AAMP: variants seen among roughly 807,000 people sequenced by gnomAD.
AAMP encodes the protein angio-associated migratory cell protein.
AAMP carries 12 observed loss-of-function variants against 51.1 expected under a neutral mutation model. That is an observed-to-expected ratio of 0.23 (90% CI 0.15 to 0.38). The LOEUF (loss-of-function observed/expected upper bound fraction) is 0.38. Ranked by LOEUF, AAMP falls within the 10% of genes least tolerant of loss-of-function variation. The probability of loss-of-function intolerance (pLI) is 1.00; values close to 1 mark genes in which losing one functional copy is unlikely to be tolerated. For missense variants in AAMP, 418 were observed against 557.2 expected (o/e 0.75, Z 2.52); for synonymous variants, 210 against 218.7 (o/e 0.96, Z 0.35).
Position 218,267,429 on chromosome 2 carries a change from GTC to G in AAMP, c.394+63_394+64del. On this transcript the variant is annotated intron_variant, in intron 3 of 10. Coordinates refer to ENST00000248450, the MANE Select transcript of AAMP (RefSeq NM_001087.5). The surrounding 1 kb of genome is among the most constrained non-coding windows in gnomAD (Gnocchi z 4.6). ...GCTGTTGGATGCACAACCTCTGCAG[GTC>G]AGCCTCCTAAGATCTCCCAAAAGAA... 1 of 1,596,932 alleles carries G rather than the reference GTC, an allele frequency of 6.3e-7. No homozygotes were observed. The highest frequency in any genetic ancestry group is 8.6e-7 in the Non-Finnish European group (1 of 1,168,492).
In AAMP at chr2:218,267,045, C is replaced by T. The variant is rs1690650829; in HGVS notation, c.395-59G>A. 3.1e-6 allele frequency: 5 copies of T among 1,593,888 alleles called. No homozygotes were observed. The highest frequency in any genetic ancestry group is 1.3e-5 in the African/African-American group (1 of 74,334). On this transcript the variant is annotated intron_variant, in intron 3 of 10. Transcript: ENST00000248450. This position sits in a 1 kb window ranked among gnomAD's most constrained non-coding sequence, Gnocchi z 4.6. ...AAAATAGGGTACCTGGTGCTGGGGG[C>T]ATGTGATTCTGGTATCTGGCCCACT...
rs1009512779 is a variant in AAMP at position 218,266,847 on chromosome 2, C to T, written c.534G>A (p.Glu178=). 6.2e-7 allele frequency: 1 copy of T among 1,614,122 alleles called. No individual in the cohort carries two copies. Among genetic ancestry groups the T allele is most frequent in the Non-Finnish European group, 8.5e-7 (1 of 1,180,036 alleles). The change falls in exon 4 of 11, where the codon GAG becomes GAA. Residue 178 remains glutamate (E), a splice_region_variant and synonymous_variant. Coordinates refer to ENST00000248450, the MANE Select transcript of AAMP (RefSeq NM_001087.5). This position sits in a 1 kb window ranked among gnomAD's most constrained non-coding sequence, Gnocchi z 4.7. The stretch of plus-strand genomic sequence containing the variant: ...CTGACTCCCGCTCTGATGATCTTAC[C>T]TCCAGGTCTCCCGCTTCAAAGGACC... ...EVWSFEAGDL[E]WMEWHPRAPV...
chr2:218,266,157 G>A lies in AAMP; in HGVS notation c.680-10C>T. On this transcript the variant is annotated splice_polypyrimidine_tract_variant and intron_variant, in intron 5 of 10. Transcript: ENST00000248450. This position sits in a 1 kb window ranked among gnomAD's most constrained non-coding sequence, Gnocchi z 4.7. ...ACCACAGCTCTCTTCCCTGAAGAGA[G>A]GCACAGATGAAGAGAGGGCAGAGGG... The A allele has an allele frequency of 6.2e-7, 1 of 1,613,398 alleles. No individual in the cohort carries two copies.
Position 218,265,089 on chromosome 2 carries a change from G to C in AAMP, c.1160C>G (p.Ala387Gly). The C allele has an allele frequency of 1.2e-6, 2 of 1,613,614 alleles. No individual in the cohort carries two copies. The highest frequency in any genetic ancestry group is 1.7e-6 in the Non-Finnish European group (2 of 1,179,914). The change falls in exon 10 of 11, where the codon GCC becomes GGC. Residue 387 changes from alanine (A) to glycine (G), a missense_variant. By Grantham distance (60) the Ala-to-Gly change is moderately conservative (BLOSUM62 0). Transcript: ENST00000248450. This position sits in a 1 kb window ranked among gnomAD's most constrained non-coding sequence, Gnocchi z 6.6. ...SLDGIVRLWD[A>G]RTGRLLTDYR... is the part of the protein sequence containing the mutation. ...GTCAGTAAGCAGGCGGCCGGTCCGG[G>C]CGTCCCAGAGGCGCACGATGCCATC... is the stretch of plus-strand genomic sequence containing the variant.
Position 218,266,391 on chromosome 2 carries a change from C to T in AAMP, c.679+52G>A, listed in dbSNP as rs993737328. The T allele has an allele frequency of 1.0e-5, 16 of 1,592,226 alleles. No individual in the cohort carries two copies. The highest frequency in any genetic ancestry group is 8.0e-5 in the African/African-American group (6 of 74,558). ...AGGCTGCTCTGGGAGGTGTATATCCCGGGATTCGGCCTCTGCACCCAGGAA... is the reference window on the plus strand; with the variant it reads ...AGGCTGCTCTGGGAGGTGTATATCCTGGGATTCGGCCTCTGCACCCAGGAA... On this transcript the variant is annotated intron_variant, in intron 5 of 10. Transcript: ENST00000248450. The surrounding 1 kb of genome is among the most constrained non-coding windows in gnomAD (Gnocchi z 4.7).
In AAMP at chr2:218,266,032, G is replaced by C. The variant is rs1690619275; in HGVS notation, c.763+32C>G. 4.3e-6 allele frequency: 7 copies of C among 1,611,768 alleles called. No homozygotes were observed. Among genetic ancestry groups the C allele is most frequent in the Non-Finnish European group, 5.1e-6 (6 of 1,177,914 alleles). ...AGGTTCTCAGCCCCTCCCTACAAAG[G>C]CCCAGGCTAACACTTCCCCCACCTC... On this transcript the variant is annotated intron_variant, in intron 6 of 10. Coordinates refer to ENST00000248450, the MANE Select transcript of AAMP (RefSeq NM_001087.5). The surrounding 1 kb of genome is among the most constrained non-coding windows in gnomAD (Gnocchi z 4.7).
Position 218,264,523 on chromosome 2 carries a change from G to T in AAMP, c.*10C>A, listed in dbSNP as rs1690572320. On this transcript the variant is annotated 3_prime_UTR_variant, in exon 11 of 11. Coordinates refer to ENST00000248450, the MANE Select transcript of AAMP (RefSeq NM_001087.5). Reference sequence around the variant, plus strand: ...CTCAACACCAGACACACAGGCAGGGGCTGCAGCCATTAACGGTCAGGCCTT... The same window carrying T: ...CTCAACACCAGACACACAGGCAGGGTCTGCAGCCATTAACGGTCAGGCCTT... The T allele has an allele frequency of 3.1e-6, 5 of 1,613,602 alleles. No homozygotes were observed. The highest frequency in any genetic ancestry group is 3.4e-6 in the Non-Finnish European group (4 of 1,179,506).
intron 1 of AAMP, 48 bp downstream of exon 1, chr2:218,269,918 A>G (rs1309938807): frequency 5.6e-6 from 9 of 1,612,442 alleles, no homozygotes; most frequent in African/African-American, 1.3e-5. Flanking sequence ...GTCAGAGGCC[A>G]GGGGTGAGCG....
At position 218,264,418 on chromosome 2, in the gene AAMP, T is replaced by A. The variant is rs1197572624; in HGVS notation, c.*115A>T. 4 of 1,014,366 alleles carry A rather than the reference T, an allele frequency of 3.9e-6. No individual in the cohort carries two copies. In the East Asian group the frequency reaches 9.6e-5, roughly 24 times the overall value. 62.8% of individuals were successfully genotyped at this position (1,014,366 alleles called of 1,614,324 possible). On this transcript the variant is annotated 3_prime_UTR_variant, in exon 11 of 11. Coordinates refer to ENST00000248450, the MANE Select transcript of AAMP (RefSeq NM_001087.5). Reference sequence around the variant, plus strand: ...CAAGTCAGTTGAAGAGGCTGGAAAGTCATCCAGGGCCCCACCCTCCTCTTC... The same window carrying A: ...CAAGTCAGTTGAAGAGGCTGGAAAGACATCCAGGGCCCCACCCTCCTCTTC...
At position 218,265,328 on chromosome 2, in the gene AAMP, T is replaced by C; in HGVS notation, c.1074+43A>G. On this transcript the variant is annotated intron_variant, in intron 9 of 10. Transcript: ENST00000248450. This position sits in a 1 kb window ranked among gnomAD's most constrained non-coding sequence, Gnocchi z 6.6. The stretch of plus-strand genomic sequence containing the variant: ...CTGGAGGCCTGGGCTTCCCCACCAC[T>C]ATGGACACAGCCCACAGGGACCCCA... 1 of 1,537,744 alleles carries C rather than the reference T, an allele frequency of 6.5e-7. No homozygotes were observed. The highest frequency in any genetic ancestry group is 8.8e-7 in the Non-Finnish European group (1 of 1,133,132).
intron 1 of AAMP, 190 bp downstream of exon 1, chr2:218,269,776 G>A (rs1690745063): frequency 9.9e-7 from 1 of 1,013,938 alleles, no homozygotes; most frequent in Non-Finnish European, 1.4e-6. Context: ...AAGGGCCAGA[G>A]GAGGCGTCAG....
At chr2:218,269,319 C>A in intron 2 of AAMP, 63 bp downstream of exon 2, 1 of 1,600,748 alleles carries the variant, frequency 6.2e-7, no homozygotes, top group Non-Finnish European at 8.5e-7. Context: ...CTGTCCATGG[C>A]TGATGTTTAA....
At position 218,270,131 on chromosome 2, in the gene AAMP, C is replaced by T; in HGVS notation, c.-45G>A. ...CACTTCTCTGGGCCCAAACGCCTCC[C>T]AGAGTCAGCTCTGCGCGACGACGCG... On this transcript the variant is annotated 5_prime_UTR_variant, in exon 1 of 11. Transcript: ENST00000248450. The T allele has an allele frequency of 2.5e-6, 4 of 1,607,412 alleles. No individual in the cohort carries two copies. The highest frequency in any genetic ancestry group is 3.4e-6 in the Non-Finnish European group (4 of 1,176,306).
rs200626199 is a variant in AAMP, at chr2:218,267,479, C to T, written c.394+15G>A. On this transcript the variant is annotated intron_variant, in intron 3 of 10. Transcript: ENST00000248450. The surrounding 1 kb of genome is among the most constrained non-coding windows in gnomAD (Gnocchi z 4.6). ...GAATATGACCTCTCCCAGGCCTCTA[C>T]CCCAGCCCCCTCACCTGCACACTCA... is the stretch of plus-strand genomic sequence containing the variant. 10 of 1,613,936 alleles carry T rather than the reference C, an allele frequency of 6.2e-6. No individual in the cohort carries two copies. In the Admixed American group the frequency reaches 1.5e-4, roughly 24 times the overall value.
Position 218,266,456 on chromosome 2 carries a change from T to G in AAMP, c.666A>C (p.Arg222=), listed in dbSNP as rs537666814. The G allele has an allele frequency of 6.8e-5, 110 of 1,613,988 alleles. 4 individuals carry two copies. The South Asian group carries it at 9.8e-4, about 14-fold the overall frequency. ...AGGTGCTCTCACCATCAGGGAGGAC[T>G]CGGCCACAGGTGGCTGGGCAGTTGG... is the stretch of plus-strand genomic sequence containing the variant. ...QGPNCPATCG[R]VLPDGKRAVV... Residue 222 remains arginine, a synonymous_variant, in exon 5 of 11, where the codon CGA becomes CGC. Transcript: ENST00000248450. This position sits in a 1 kb window ranked among gnomAD's most constrained non-coding sequence, Gnocchi z 4.7.
chr2:218,269,455 T>C lies in AAMP; in HGVS notation c.201A>G (p.Leu67=), dbSNP rs1201978318. The C allele has an allele frequency of 3.1e-6, 5 of 1,614,242 alleles. No homozygotes were observed. The South Asian group carries it at 4.4e-5, about 14-fold the overall frequency. Residue 67 remains leucine (L), a synonymous_variant, in exon 2 of 11, where the codon CTA becomes CTG. Coordinates refer to ENST00000248450, the MANE Select transcript of AAMP (RefSeq NM_001087.5). The stretch of plus-strand genomic sequence containing the variant: ...TGCCGACCACCCCTTCCTGGGGTTC[T>C]AGAACCCAGCCCTCTTCGTTGCCCT... ...EEEGNEEGWV[L]EPQEGVVGSM...
Position 218,264,315 on chromosome 2 carries a change from C to G in AAMP, c.*218G>C, listed in dbSNP as rs1051165. On this transcript the variant is annotated 3_prime_UTR_variant, in exon 11 of 11. Coordinates refer to ENST00000248450, the MANE Select transcript of AAMP (RefSeq NM_001087.5). ...AAGAGAAACAGGTCCACCCCTCCCT[C>G]TGAAGGGCCCACCAGGTCTGGACAA... 1.8e-5 allele frequency: 10 copies of G among 570,098 alleles called. No individual in the cohort carries two copies. In the Admixed American group the frequency reaches 3.0e-4, roughly 17 times the overall value. 35.3% of individuals were successfully genotyped at this position (570,098 alleles called of 1,614,324 possible). A position where few individuals can be genotyped will look rare whatever the true frequency, so the allele number is the denominator to read the frequency against.
Position 218,265,723 on chromosome 2 carries a change from G to A in AAMP, c.880-41C>T, listed in dbSNP as rs755925698. 3 of 1,596,070 alleles carry A rather than the reference G, an allele frequency of 1.9e-6. No individual in the cohort carries two copies. The highest frequency in any genetic ancestry group is 2.2e-5 in the East Asian group (1 of 44,810). ...GATCAGAGGAGGACACGGAATCCGG[G>A]TGCTTGATGGAGAGAAAGACGGTGG... is the stretch of plus-strand genomic sequence containing the variant. On this transcript the variant is annotated intron_variant, in intron 7 of 10. Transcript: ENST00000248450. This position sits in a 1 kb window ranked among gnomAD's most constrained non-coding sequence, Gnocchi z 6.6.
In AAMP at chr2:218,265,914, C is replaced by T. The variant is rs3177984; in HGVS notation, c.796G>A (p.Val266Ile). ...TEGHQGPLTC[V>I]AANQDGSLIL... ...AAGCTGCCATCCTGGTTGGCAGCAA[C>T]ACAGGTGAGTGGGCCCTGGTGACCC... is the stretch of plus-strand genomic sequence containing the variant. The change falls in exon 7 of 11, where the codon GTT (valine) becomes ATT (isoleucine). Residue 266 changes from valine (V) to isoleucine (I), a missense_variant. By Grantham distance (29) the Val-to-Ile change is conservative. Coordinates refer to ENST00000248450, the MANE Select transcript of AAMP (RefSeq NM_001087.5). The surrounding 1 kb of genome is among the most constrained non-coding windows in gnomAD (Gnocchi z 6.6). The T allele has an allele frequency of 6.2e-7, 1 of 1,613,994 alleles. No homozygotes were observed. The highest frequency in any genetic ancestry group is 1.1e-5 in the South Asian group (1 of 91,066).
Sources: gnomAD v4.1 joint callset for allele counts on GRCh38, gnomAD v4.1.1 for gene constraint, Gnocchi (gnomAD v3.1) non-coding constraint, MANE v1.5 for transcripts, NCBI Gene and HGNC (gene_info 2026-07-23, HGNC 2026-07-21) for gene names.